BICD1: variants seen among roughly 807,000 people sequenced by gnomAD.
BICD1 encodes protein bicaudal D homolog 1.
BICD1 carries 35 observed loss-of-function variants against 92.5 expected under a neutral mutation model. That is an observed-to-expected ratio of 0.38 (90% CI 0.29 to 0.50). BICD1 has a LOEUF of 0.50. Among genes scored for constraint, BICD1 ranks in the 20% least tolerant of loss-of-function variants. The pLI is 0.93. For synonymous variants in BICD1, 429 were observed against 465.1 expected (o/e 0.92, Z 1.00); for missense variants, 950 against 1,189.8 (o/e 0.80, Z 2.97).
intron 1 of BICD1, among the ~76,000 whole-genome samples, chr12:32,146,826 C>CCTCT (rs1214192649): frequency 1.4e-5 from 2 of 141,062 alleles, no homozygotes; most frequent in Non-Finnish European, 3.1e-5. Context: ...TCCCTCCCTC[C>CCTCT]CTCCCTCCCT....
chr12:32,124,483 A>T (rs1402008448), intron 1 of BICD1, among the ~76,000 whole-genome samples: 1 of 152,184 alleles, frequency 6.6e-6, no homozygotes, highest in Non-Finnish European at 1.5e-5. Context: ...AGTGGTAAGG[A>T]AAAATGCATG....
At chr12:32,360,374 A>C (rs916105860) in intron 8 of BICD1, among the ~76,000 whole-genome samples, 1 of 152,224 alleles carries the variant, frequency 6.6e-6, no homozygotes, top group African/African-American at 2.4e-5. Flanking sequence ...TGTCAGAAGA[A>C]GAAATGTAGA....
chr12:32,177,037 G>A (rs546786507), intron 1 of BICD1, among the ~76,000 whole-genome samples: 78 of 151,390 alleles, frequency 5.2e-4, no homozygotes, highest in African/African-American at 1.6e-3. Flanking sequence ...TTTTTTGGCC[G>A]GGCATGGTGG....
chr12:32,111,405 A>G (rs968125224), intron 1 of BICD1, among the ~76,000 whole-genome samples: 1 of 152,274 alleles, frequency 6.6e-6, no homozygotes, highest in African/African-American at 2.4e-5. Context: ...ATTCATCTTT[A>G]AGCAGAATTG....
chr12:32,379,297 C>T lies in BICD1; in HGVS notation c.*1670C>T, dbSNP rs1019947456. On this transcript the variant is annotated 3_prime_UTR_variant, in exon 10 of 10. Coordinates refer to ENST00000652176, the MANE Select transcript of BICD1 (RefSeq NM_001714.4). ...TCGTAAAGCACATTGCAGGAGCTTT[C>T]GTTAGTCATACGCCTATTAAGTAGT... The T allele has an allele frequency of 2.0e-5, 3 of 152,182 alleles. No homozygotes were observed. Among genetic ancestry groups the T allele is most frequent in the Non-Finnish European group, 2.9e-5 (2 of 68,036 alleles). 9.4% of individuals were successfully genotyped at this position (152,182 alleles called of 1,614,324 possible).
At chr12:32,164,302 A>T (rs894254986) in intron 1 of BICD1, among the ~76,000 whole-genome samples, 5 of 152,174 alleles carry the variant, frequency 3.3e-5, no homozygotes, top group African/African-American at 9.6e-5. Context: ...ATTTATTGTT[A>T]TATTTTTTAA....
chr12:32,355,944 C>T (rs926810374), intron 8 of BICD1, among the ~76,000 whole-genome samples: 6 of 152,132 alleles, frequency 3.9e-5, no homozygotes, highest in South Asian at 2.1e-4. Flanking sequence ...AGAGCATTTC[C>T]GATGAATATA....
At chr12:32,300,852 T>C (rs552086957) in intron 3 of BICD1, among the ~76,000 whole-genome samples, 2 of 151,480 alleles carry the variant, frequency 1.3e-5, no homozygotes, top group East Asian at 3.9e-4. Flanking sequence ...AGGGTTTCAC[T>C]GTGTTAGCCA....
intron 1 of BICD1, among the ~76,000 whole-genome samples, chr12:32,137,091 T>C (rs182973339): frequency 1.7e-4 from 26 of 152,300 alleles, no homozygotes; most frequent in African/African-American, 6.0e-4. Context: ...TTGTTGTTTT[T>C]GTTTTTGTTT....
At chr12:32,360,628 G>C (rs955073181) in intron 8 of BICD1, among the ~76,000 whole-genome samples, 4 of 152,032 alleles carry the variant, frequency 2.6e-5, no homozygotes, top group Non-Finnish European at 5.9e-5. Flanking sequence ...CAATTAACCA[G>C]GCATTTTTTT....
At chr12:32,118,091 A>ATTTTATTTTATTTTATTTTTTTTT (rs1555126592) in intron 1 of BICD1, among the ~76,000 whole-genome samples, 14 of 46,832 alleles carry the variant, frequency 3.0e-4, no homozygotes, top group Admixed American at 6.4e-4. Context: ...TATTTTATTT[A>ATTTTATTTTATTTTATTTTTTTTT]TTTTTTTTGA....
intron 2 of BICD1, among the ~76,000 whole-genome samples, chr12:32,236,823 G>A (rs1252072183): frequency 1.3e-5 from 2 of 148,278 alleles, no homozygotes; most frequent in African/African-American, 2.5e-5. Flanking sequence ...AGTGGTTCTA[G>A]ATAGAAGATC....
chr12:32,199,305 G>A (rs1944832518), intron 1 of BICD1, among the ~76,000 whole-genome samples: 1 of 152,180 alleles, frequency 6.6e-6, no homozygotes, highest in Non-Finnish European at 1.5e-5. Flanking sequence ...CTCAGGGCTT[G>A]TATGGCAACT....
chr12:32,254,359 T>C lies in BICD1; in HGVS notation c.426+37900T>C, dbSNP rs977198999. On this transcript the variant is annotated intron_variant, in intron 2 of 9. Coordinates refer to ENST00000652176, the MANE Select transcript of BICD1 (RefSeq NM_001714.4). The stretch of plus-strand genomic sequence containing the variant: ...CATAATCACTGCCGTATCCCACCTG[T>C]CATATTCACTGCCATACCCCACCTA... 3.8e-4 allele frequency among the ~76,000 whole-genome samples: 58 copies of C among 152,048 alleles called. 1 individual carries two copies. The highest frequency in any genetic ancestry group is 7.8e-4 in the Non-Finnish European group (53 of 68,008).
In BICD1 at chr12:32,305,895, G is replaced by A. The variant is rs771710502; in HGVS notation, c.778G>A (p.Asp260Asn). Residue 260 changes from aspartate to asparagine, a missense_variant, in exon 4 of 10, where the codon GAT becomes AAT. By Grantham distance (23) the Asp-to-Asn change is conservative. Around this residue, in one of 5 missense-constraint regions of BICD1, gnomAD observed 246 missense variants for 258.4 expected, o/e 0.95. Coordinates refer to ENST00000652176, the MANE Select transcript of BICD1 (RefSeq NM_001714.4). The stretch of plus-strand genomic sequence containing the variant: ...GCTCTCCCAGTATATCAGCCTCAAT[G>A]ATAACCATATCAGCATCTCAGTAGA... Reference protein sequence around the residue: ...KELSQYISLNDNHISISVDGL... With the variant: ...KELSQYISLNNNHISISVDGL... 6.2e-7 allele frequency: 1 copy of A among 1,614,194 alleles called. No individual in the cohort carries two copies. The highest frequency in any genetic ancestry group is 1.1e-5 in the South Asian group (1 of 91,072).
At chr12:32,250,577 T>C (rs939647806) in intron 2 of BICD1, among the ~76,000 whole-genome samples, 18 of 152,222 alleles carry the variant, frequency 1.2e-4, no homozygotes, top group Non-Finnish European at 2.2e-4. Context: ...TATCTTGTTT[T>C]GTTTTATTTT....
At chr12:32,302,160 A>G (rs1592639445) in intron 3 of BICD1, among the ~76,000 whole-genome samples, 1 of 152,326 alleles carries the variant, frequency 6.6e-6, no homozygotes, top group Middle Eastern at 3.4e-3. Flanking sequence ...TGCTGGGATT[A>G]CAGGCGTGAG....
intron 4 of BICD1, among the ~76,000 whole-genome samples, chr12:32,316,955 G>A (rs1326090390): frequency 1.3e-5 from 2 of 152,074 alleles, no homozygotes; most frequent in Admixed American, 1.3e-4. Flanking sequence ...AACATGCTGT[G>A]TTTGGTTTTT....
chr12:32,379,582 C>T lies in BICD1; in HGVS notation c.*1955C>T, dbSNP rs753959352. On this transcript the variant is annotated 3_prime_UTR_variant, in exon 10 of 10. Coordinates refer to ENST00000652176, the MANE Select transcript of BICD1 (RefSeq NM_001714.4). Reference sequence around the variant, plus strand: ...TTCATTTCACTGGCGTTGTATCTGCCTAGTACCAGTATTAGTGAGACTGTG... The same window carrying T: ...TTCATTTCACTGGCGTTGTATCTGCTTAGTACCAGTATTAGTGAGACTGTG... 1 of 152,160 alleles carries T rather than the reference C, an allele frequency of 6.6e-6. No individual in the cohort carries two copies. Among genetic ancestry groups the T allele is most frequent in the Non-Finnish European group, 1.5e-5 (1 of 68,030 alleles). 9.4% of individuals were successfully genotyped at this position (152,160 alleles called of 1,614,324 possible).
Sources: gnomAD v4.1 joint callset for allele counts (sites outside exome capture counted in the v4.1 genomes callset) on GRCh38, gnomAD v4.1.1 for gene constraint, gnomAD v4.1.1 regional missense constraint, MANE v1.5 for transcripts, NCBI Gene and HGNC (gene_info 2026-07-23, HGNC 2026-07-21) for gene names.